The following PTPRD variants were observed in gnomAD, a reference collection of about 807,000 sequenced individuals.
PTPRD encodes the protein receptor-type tyrosine-protein phosphatase delta.
Under a neutral mutation model 214.5 loss-of-function variants are expected in PTPRD, and 34 were observed. The observed-to-expected ratio is 0.16, with a 90% CI of 0.12 to 0.21. The LOEUF is 0.21. Among genes scored for constraint, PTPRD ranks in the 10% least tolerant of loss-of-function variants. The pLI is 1.00. For synonymous variants in PTPRD, 1,128 were observed against 845.7 expected (o/e 1.33, Z -5.79); for missense variants, 2,545 against 2,398.7 (o/e 1.06, Z -1.27).
chr9:8,355,850 G>C (rs1434170716), intron 39 of PTPRD, among the ~76,000 whole-genome samples: 2 of 152,174 alleles, frequency 1.3e-5, no homozygotes, highest in African/African-American at 2.4e-5. Context: ...AAGCCATGCT[G>C]ATATGGCTGG....
chr9:9,316,017 A>G (rs747130394), intron 9 of PTPRD, among the ~76,000 whole-genome samples: 4 of 151,936 alleles, frequency 2.6e-5, no homozygotes, highest in Admixed American at 6.6e-5. Flanking sequence ...CCAGTATGCA[A>G]TTTATATCAT....
At chr9:9,311,306 A>G (rs1958929505) in intron 9 of PTPRD, among the ~76,000 whole-genome samples, 1 of 152,144 alleles carries the variant, frequency 6.6e-6, no homozygotes, top group African/African-American at 2.4e-5. Flanking sequence ...TCATTATATT[A>G]TGTTGTCATA....
chr9:8,913,222 A>G (rs1297854412), intron 11 of PTPRD, among the ~76,000 whole-genome samples: 1 of 152,132 alleles, frequency 6.6e-6, no homozygotes, highest in Non-Finnish European at 1.5e-5. Context: ...GCAATGGGAT[A>G]AAAAAGAAAA....
At chr9:9,899,374 T>C (rs2075832778) in intron 5 of PTPRD, among the ~76,000 whole-genome samples, 1 of 152,048 alleles carries the variant, frequency 6.6e-6, no homozygotes, top group African/African-American at 2.4e-5. Flanking sequence ...AATAATAATT[T>C]ATTTAACAAT....
At chr9:9,884,379 A>C (rs1486349612) in intron 5 of PTPRD, among the ~76,000 whole-genome samples, 1 of 152,150 alleles carries the variant, frequency 6.6e-6, no homozygotes, top group Non-Finnish European at 1.5e-5. Flanking sequence ...TTCAGTGTAC[A>C]TGTAAGTCAG....
chr9:9,076,054 A>G (rs1252239764), intron 10 of PTPRD, among the ~76,000 whole-genome samples: 2 of 152,130 alleles, frequency 1.3e-5, no homozygotes, highest in Non-Finnish European at 2.9e-5. Context: ...CTATTTCTCT[A>G]CATCCTCTCC....
chr9:8,608,638 G>C (rs200010746), intron 14 of PTPRD, among the ~76,000 whole-genome samples: 28 of 152,220 alleles, frequency 1.8e-4, no homozygotes, highest in African/African-American at 6.3e-4. Context: ...TATCAAATCA[G>C]CCAGAATACT....
chr9:10,017,330 G>A (rs1162135718), intron 4 of PTPRD, among the ~76,000 whole-genome samples: 1 of 151,164 alleles, frequency 6.6e-6, no homozygotes, highest in African/African-American at 2.4e-5. Flanking sequence ...CTTTTTGTAG[G>A]TTTTACTGTT....
intron 3 of PTPRD, among the ~76,000 whole-genome samples, chr9:10,133,582 T>C (rs1475513906): frequency 6.6e-6 from 1 of 152,080 alleles, no homozygotes; most frequent in Admixed American, 6.6e-5. Flanking sequence ...TAATATATAA[T>C]GTATAATATG....
At chr9:8,369,669 T>C (rs1447325358) in intron 39 of PTPRD, among the ~76,000 whole-genome samples, 1 of 151,990 alleles carries the variant, frequency 6.6e-6, no homozygotes, top group Non-Finnish European at 1.5e-5. Flanking sequence ...ATCTATCCCC[T>C]TTTCAATTTT....
At chr9:9,635,766 A>G (rs16929956) in intron 7 of PTPRD, among the ~76,000 whole-genome samples, 2,729 of 152,252 alleles carry the variant, frequency 0.018, 76 homozygotes, top group African/African-American at 0.063. Context: ...CTTGCTTCCT[A>G]AAACACTCAT....
chr9:10,351,877 C>T (rs1038165801), intron 2 of PTPRD, among the ~76,000 whole-genome samples: 9 of 151,926 alleles, frequency 5.9e-5, no homozygotes, highest in Non-Finnish European at 1.3e-4. Flanking sequence ...GGATGGGTCA[C>T]AAATGGAGAT....
chr9:8,753,893 C>T (rs2093749316), intron 11 of PTPRD, among the ~76,000 whole-genome samples: 2 of 152,084 alleles, frequency 1.3e-5, no homozygotes, highest in Admixed American at 1.3e-4. Context: ...GCCTGTAATC[C>T]CAGCACTTTA....
chr9:9,761,249 T>C (rs1231294370), intron 6 of PTPRD, among the ~76,000 whole-genome samples: 1 of 152,094 alleles, frequency 6.6e-6, no homozygotes, highest in Non-Finnish European at 1.5e-5. Flanking sequence ...ACAACTTGGG[T>C]GAATCTCCAA....
intron 11 of PTPRD, among the ~76,000 whole-genome samples, chr9:8,910,024 T>A (rs1211961033): frequency 2.0e-5 from 3 of 151,746 alleles, no homozygotes; most frequent in Admixed American, 6.6e-5. Flanking sequence ...TGTAGAAATT[T>A]ATTTATTTAT....
intron 14 of PTPRD, among the ~76,000 whole-genome samples, chr9:8,586,799 G>A (rs1408901837): frequency 6.6e-6 from 1 of 152,158 alleles, no homozygotes; most frequent in Admixed American, 6.5e-5. Context: ...AAAATATAAA[G>A]TGGTAAATAA....
intron 10 of PTPRD, among the ~76,000 whole-genome samples, chr9:9,151,888 G>C (rs970342880): frequency 6.6e-6 from 1 of 152,186 alleles, no homozygotes; most frequent in Non-Finnish European, 1.5e-5. Flanking sequence ...AGAACCAGGA[G>C]GGTCTGTCAT....
chr9:9,911,250 A>G (rs1366260984), intron 5 of PTPRD, among the ~76,000 whole-genome samples: 1 of 152,088 alleles, frequency 6.6e-6, no homozygotes, highest in African/African-American at 2.4e-5. Context: ...GCTGGATAAA[A>G]TATTGCTCTC....
intron 12 of PTPRD, among the ~76,000 whole-genome samples, chr9:8,674,825 T>C (rs950507673): frequency 1.2e-4 from 19 of 152,168 alleles, no homozygotes; most frequent in Admixed American, 3.9e-4. Flanking sequence ...ATTTTCCAAA[T>C]TGGGTTGTTT....
Sources: gnomAD v4.1 joint callset for allele counts (sites outside exome capture counted in the v4.1 genomes callset) on GRCh38, gnomAD v4.1.1 for gene constraint, MANE v1.5 for transcripts, NCBI Gene and HGNC (gene_info 2026-07-23, HGNC 2026-07-21) for gene names.